The following HSF5 variants were observed in gnomAD, a reference collection of about 807,000 sequenced individuals.
HSF5 encodes heat shock factor protein 5.
Under a neutral mutation model 50.8 loss-of-function variants are expected in HSF5, and 5 were observed. That is an observed-to-expected ratio of 0.10 (90% CI 0.05 to 0.21). The LOEUF is 0.21. Ranked by LOEUF, HSF5 falls within the 10% of genes least tolerant of loss-of-function variation. The pLI is 1.00. For synonymous variants in HSF5, 307 were observed against 307.4 expected (o/e 1.00, Z 0.02); for missense variants, 564 against 762.6 (o/e 0.74, Z 3.07).
rs1270517243 is a variant in HSF5, at chr17:58,421,337, T to C, written c.*1023A>G. The C allele has an allele frequency of 6.5e-6, 1 of 152,684 alleles. No homozygotes were observed. Among genetic ancestry groups the C allele is most frequent in the East Asian group, 1.9e-4 (1 of 5,198 alleles). 9.5% of individuals were successfully genotyped at this position (152,684 alleles called of 1,614,324 possible). ...AGAGGCATAGCTTCTACTAAATGGC[T>C]GCTAATCAGTTTTTTCCCAAATTTG... On this transcript the variant is annotated 3_prime_UTR_variant, in exon 6 of 6. Coordinates refer to ENST00000323777, the MANE Select transcript of HSF5 (RefSeq NM_001080439.3).
intron 1 of HSF5, among the ~76,000 whole-genome samples, chr17:58,482,709 C>CAAAAAAAAAAAAAAAAAA (rs34783781): frequency 1.5e-4 from 2 of 13,458 alleles, no homozygotes; most frequent in African/African-American, 3.1e-4. Flanking sequence ...GACTCCATCT[C>CAAAAAAAAAAAAAAAAAA]AAAAAAAAAA....
intron 5 of HSF5, among the ~76,000 whole-genome samples, chr17:58,442,054 C>G (rs1452889312): frequency 6.6e-6 from 1 of 152,128 alleles, no homozygotes; most frequent in African/African-American, 2.4e-5. Flanking sequence ...AGCAGGATGC[C>G]ATAATTGTAT....
intron 1 of HSF5, among the ~76,000 whole-genome samples, chr17:58,485,165 G>A (rs1447013174): frequency 2.0e-5 from 3 of 151,882 alleles, no homozygotes; most frequent in Non-Finnish European, 4.4e-5. Context: ...ATGTTGGCCA[G>A]GATGGTCTCG....
chr17:58,469,925 T>C (rs1413888742), intron 2 of HSF5, among the ~76,000 whole-genome samples: 2 of 152,206 alleles, frequency 1.3e-5, no homozygotes, highest in African/African-American at 2.4e-5. Context: ...GCTCCCGCTA[T>C]AGGTGAGGCA....
At chr17:58,434,114 T>C (rs1598181602) in intron 5 of HSF5, among the ~76,000 whole-genome samples, 2 of 151,546 alleles carry the variant, frequency 1.3e-5, no homozygotes. Context: ...GGTTTCACCA[T>C]ATTGGCCAGG....
At chr17:58,475,660 A>G (rs1164911153) in intron 2 of HSF5, among the ~76,000 whole-genome samples, 5 of 152,238 alleles carry the variant, frequency 3.3e-5, no homozygotes, top group South Asian at 4.1e-4. Context: ...CACATTTTCT[A>G]AGATTTTGTT....
intron 2 of HSF5, among the ~76,000 whole-genome samples, chr17:58,471,321 T>C (rs752132322): frequency 1.3e-5 from 2 of 152,210 alleles, no homozygotes; most frequent in Non-Finnish European, 2.9e-5. Context: ...AGTGCCTCTT[T>C]TCCATAAGCA....
At chr17:58,428,324 C>T (rs569735207) in intron 5 of HSF5, among the ~76,000 whole-genome samples, 3 of 152,044 alleles carry the variant, frequency 2.0e-5, no homozygotes, top group African/African-American at 4.8e-5. Context: ...AAATGGCAAA[C>T]GAGCTCATGA....
intron 5 of HSF5, among the ~76,000 whole-genome samples, chr17:58,454,051 G>A (rs1316287279): frequency 6.6e-6 from 1 of 152,012 alleles, no homozygotes; most frequent in Non-Finnish European, 1.5e-5. Flanking sequence ...CCGAGATTGC[G>A]CCACTGCACT....
chr17:58,469,712 C>T (rs950577547), intron 2 of HSF5, among the ~76,000 whole-genome samples: 8 of 152,126 alleles, frequency 5.3e-5, no homozygotes, highest in Non-Finnish European at 1.0e-4. Flanking sequence ...ATCACTATGT[C>T]CTAAGATACA....
chr17:58,427,044 A>C (rs1294656612), intron 5 of HSF5, among the ~76,000 whole-genome samples: 1 of 152,016 alleles, frequency 6.6e-6, no homozygotes, highest in Non-Finnish European at 1.5e-5. Context: ...TTGCATCCAG[A>C]AGTTCGAGAC....
chr17:58,485,938 G>T lies in HSF5; in HGVS notation c.550+1787C>A, dbSNP rs140877040. On this transcript the variant is annotated intron_variant, in intron 1 of 5. Transcript: ENST00000323777. ...AAAAATTAGCGAGGTGTGGTGGCAG[G>T]CACCTGTAAAATCCTAGCTACTCTG... Among the ~76,000 whole-genome samples the T allele has an allele frequency of 6.4e-3, 963 of 150,468 alleles. 1 individual carries two copies. Among genetic ancestry groups the T allele is most frequent in the Middle Eastern group, 0.021 (6 of 282 alleles).
intron 2 of HSF5, among the ~76,000 whole-genome samples, chr17:58,472,312 A>G (rs1255117756): frequency 1.4e-5 from 2 of 145,982 alleles, no homozygotes; most frequent in Admixed American, 1.4e-4. Flanking sequence ...ACCCCCCCCA[A>G]AAAAAGTGTT....
rs544141940 is a variant in HSF5 at position 58,467,252 on chromosome 17, C to A, written c.926-273G>T. Among the ~76,000 whole-genome samples the A allele has an allele frequency of 2.0e-5, 3 of 152,232 alleles. No individual in the cohort carries two copies. The South Asian group carries it at 6.2e-4, about 32-fold the overall frequency. On this transcript the variant is annotated intron_variant, in intron 2 of 5. Transcript: ENST00000323777. ...CCTAAGCATTTTGTTACCTTTCTAA[C>A]CAAACATATATTCTTATTGAAAGTA...
chr17:58,476,845 A>G, intron 2 of HSF5: 1 of 1,465,448 alleles, frequency 6.8e-7, no homozygotes. Flanking sequence ...GGATTTCATC[A>G]ATGTGTTCAA....
intron 5 of HSF5, among the ~76,000 whole-genome samples, chr17:58,423,476 C>T (rs1598177259): frequency 6.8e-6 from 1 of 147,580 alleles, no homozygotes; most frequent in African/African-American, 2.5e-5. Flanking sequence ...GCAACATGAC[C>T]AGGGAGCTTT....
chr17:58,484,637 G>C (rs1975143995), intron 1 of HSF5, among the ~76,000 whole-genome samples: 1 of 151,082 alleles, frequency 6.6e-6, no homozygotes, highest in Non-Finnish European at 1.5e-5. Context: ...TGTATGCCAT[G>C]GTATTGTCTC....
Position 58,420,707 on chromosome 17 carries a change from T to G in HSF5, c.*1653A>C, listed in dbSNP as rs1012838996. The G allele has an allele frequency of 3.3e-5, 5 of 152,202 alleles. No homozygotes were observed. Among genetic ancestry groups the G allele is most frequent in the Non-Finnish European group, 5.9e-5 (4 of 68,032 alleles). 9.4% of individuals were successfully genotyped at this position (152,202 alleles called of 1,614,324 possible). ...CAAAAGATATAGGTGTCTTGATAAT[T>G]TGCTCTTTTAAACCTTGCTAATAAA... is the stretch of plus-strand genomic sequence containing the variant. On this transcript the variant is annotated 3_prime_UTR_variant, in exon 6 of 6. Coordinates refer to ENST00000323777, the MANE Select transcript of HSF5 (RefSeq NM_001080439.3).
chr17:58,458,706 T>C, intron 5 of HSF5, 62 bp downstream of exon 5: 1 of 1,376,594 alleles, frequency 7.3e-7, no homozygotes. Context: ...AAAAATGTCA[T>C]TCATATATTA....
Sources: gnomAD v4.1 joint callset for allele counts (sites outside exome capture counted in the v4.1 genomes callset) on GRCh38, gnomAD v4.1.1 for gene constraint, MANE v1.5 for transcripts, NCBI Gene and HGNC (gene_info 2026-07-23, HGNC 2026-07-21) for gene names.